The following SLC60A1 variants were observed in gnomAD, a reference collection of about 807,000 sequenced individuals.
The protein encoded by SLC60A1 is major facilitator superfamily domain containing 4.
chr1:205,581,954 C>T, the SLC60A1 span, among the ~76,000 whole-genome samples: 1 of 152,208 alleles, frequency 6.6e-6, no homozygotes, highest in South Asian at 2.1e-4. This position sits in a 1 kb window ranked among gnomAD's most constrained non-coding sequence, Gnocchi z 4.2. Flanking sequence ...AGGCTGAGCC[C>T]GGCTGGAAGC....
chr1:205,593,414 T>TTAGCC, the SLC60A1 span, among the ~76,000 whole-genome samples: 1 of 17,192 alleles, frequency 5.8e-5, no homozygotes, highest in Admixed American at 4.9e-4. Context: ...GAGCTTGCAG[T>TTAGCC]GAGCACTCCA....
chr1:205,592,038 G>C, the SLC60A1 span: 6 of 1,510,200 alleles, frequency 4.0e-6, no homozygotes, highest in East Asian at 4.6e-5. Context: ...CCTTGGGCTA[G>C]AGAGGAAACG....
chr1:205,579,436 A>C, the SLC60A1 span: 4 of 539,260 alleles, frequency 7.4e-6, no homozygotes, highest in Non-Finnish European at 9.9e-6. Context: ...AGGGTGGGGA[A>C]TATTTTTGCA....
chr1:205,577,399 C>T, the SLC60A1 span, among the ~76,000 whole-genome samples: 421 of 152,296 alleles, frequency 2.8e-3, 3 homozygotes, highest in African/African-American at 9.6e-3. The surrounding 1 kb of genome is among the most constrained non-coding windows in gnomAD (Gnocchi z 5.2). Context: ...TCTGCAGAGC[C>T]GAACATGGGG....
the SLC60A1 span, chr1:205,579,978 G>A: frequency 6.2e-7 from 1 of 1,600,244 alleles, no homozygotes; most frequent in African/African-American, 1.3e-5. Flanking sequence ...CACAGGGCTG[G>A]GAGCTGGGGA....
chr1:205,593,865 G>C, the SLC60A1 span, among the ~76,000 whole-genome samples: 1 of 152,176 alleles, frequency 6.6e-6, no homozygotes, highest in Non-Finnish European at 1.5e-5. Flanking sequence ...TTGCAGTTTA[G>C]AAGACAATTC....
chr1:205,569,575 T>C, the SLC60A1 span, among the ~76,000 whole-genome samples: 2 of 148,650 alleles, frequency 1.3e-5, no homozygotes, highest in African/African-American at 4.9e-5. Flanking sequence ...CTCATCCCTG[T>C]GAGAGGATAA....
chr1:205,601,893 C>T, the SLC60A1 span: 1 of 152,178 alleles, frequency 6.6e-6, no homozygotes, highest in African/African-American at 2.4e-5. Flanking sequence ...AAAAATTTTA[C>T]ATCTTTTATA....
chr1:205,588,716 A>C, the SLC60A1 span, among the ~76,000 whole-genome samples: 1 of 152,098 alleles, frequency 6.6e-6, no homozygotes, highest in African/African-American at 2.4e-5. Flanking sequence ...CTCTAGGTTA[A>C]ATTAATGGCC....
At chr1:205,577,109 G>A in the SLC60A1 span, among the ~76,000 whole-genome samples, 2 of 152,104 alleles carry the variant, frequency 1.3e-5, no homozygotes, top group African/African-American at 4.8e-5. The surrounding 1 kb of genome is among the most constrained non-coding windows in gnomAD (Gnocchi z 5.2). Flanking sequence ...GATGAGACCT[G>A]GACAGGGCTT....
the SLC60A1 span, among the ~76,000 whole-genome samples, chr1:205,585,322 G>A: frequency 1.9e-4 from 29 of 152,056 alleles, no homozygotes; most frequent in Non-Finnish European, 8.8e-5. The surrounding 1 kb of genome is among the most constrained non-coding windows in gnomAD (Gnocchi z 4.2). Flanking sequence ...CCAATTAGAG[G>A]TCATGCTATA....
At chr1:205,585,955 C>A in the SLC60A1 span, 1 of 1,470,346 alleles carries the variant, frequency 6.8e-7, no homozygotes, top group Non-Finnish European at 9.1e-7. The surrounding 1 kb of genome is among the most constrained non-coding windows in gnomAD (Gnocchi z 4.2). Context: ...CCCACACCTG[C>A]CCAGCCTGGG....
chr1:205,569,237 C>T, the SLC60A1 span: 3 of 1,569,718 alleles, frequency 1.9e-6, no homozygotes, highest in Non-Finnish European at 8.6e-7. Flanking sequence ...TCTCCTGGGT[C>T]TTCTTCTCGC....
chr1:205,583,824 C>T, the SLC60A1 span: 3 of 1,268,354 alleles, frequency 2.4e-6, no homozygotes, highest in African/African-American at 4.5e-5. Context: ...GATGGCTCAG[C>T]TTTTAGCTGG....
chr1:205,576,445 T>G, the SLC60A1 span, among the ~76,000 whole-genome samples: 20 of 152,180 alleles, frequency 1.3e-4, no homozygotes, highest in Non-Finnish European at 2.8e-4. Context: ...ATCCCCATTT[T>G]ACAGCAGAGG....
chr1:205,585,368 A>C, the SLC60A1 span, among the ~76,000 whole-genome samples: 6 of 152,198 alleles, frequency 3.9e-5, no homozygotes, highest in Middle Eastern at 3.2e-3. This position sits in a 1 kb window ranked among gnomAD's most constrained non-coding sequence, Gnocchi z 4.2. Context: ...ATACATTACA[A>C]ACCTGGGTGT....
chr1:205,585,067 A>G, the SLC60A1 span: 3 of 1,274,842 alleles, frequency 2.4e-6, no homozygotes, highest in Non-Finnish European at 3.4e-6. This position sits in a 1 kb window ranked among gnomAD's most constrained non-coding sequence, Gnocchi z 4.2. Flanking sequence ...AGGCAAGAGA[A>G]AGAGAGGAGC....
the SLC60A1 span, chr1:205,586,277 C>T: frequency 2.5e-6 from 4 of 1,572,352 alleles, no homozygotes; most frequent in Non-Finnish European, 3.5e-6. Flanking sequence ...TGGCCCTACC[C>T]CAGGACGTTT....
At chr1:205,572,923 G>A in the SLC60A1 span, among the ~76,000 whole-genome samples, 3 of 152,142 alleles carry the variant, frequency 2.0e-5, no homozygotes, top group African/African-American at 7.2e-5. Flanking sequence ...TCAAAAAGTA[G>A]AAACAAACCA....
Sources: allele counts gnomAD v4.1 joint callset (sites outside exome capture counted in the v4.1 genomes callset), GRCh38; gene constraint gnomAD v4.1.1; non-coding constraint Gnocchi (gnomAD v3.1); transcripts MANE v1.5; gene names NCBI Gene and HGNC (gene_info 2026-07-23, HGNC 2026-07-21).